Variants in RNF213 observed in about 807,000 individuals in gnomAD.
The protein encoded by RNF213 is E3 ubiquitin-protein ligase RNF213.
Under a neutral mutation model 514.4 loss-of-function variants are expected in RNF213, and 341 were observed. The ratio of observed to expected loss-of-function variants is 0.66; its 90% CI spans 0.61 to 0.73. The LOEUF (loss-of-function observed/expected upper bound fraction) is 0.73. Ranked by LOEUF, RNF213 falls within the 30% of genes least tolerant of loss-of-function variation. RNF213 has a pLI of 0.00. For missense variants in RNF213, 5,767 were observed against 6,615.6 expected (o/e 0.87, Z 4.45); for synonymous variants, 2,655 against 2,658.2 (o/e 1.00, Z 0.04).
At chr17:80,308,519 C>T (rs80188698) in intron 13 of RNF213, among the ~76,000 whole-genome samples, 2,477 of 151,674 alleles carry the variant, frequency 0.016, 73 homozygotes, top group African/African-American at 0.054. Context: ...AAGGCTCCTC[C>T]CGAGTCCCTA....
intron 3 of RNF213, among the ~76,000 whole-genome samples, chr17:80,274,819 T>G (rs1157691864): frequency 2.0e-3 from 13 of 6,370 alleles, no homozygotes; most frequent in African/African-American, 2.6e-3. Context: ...GTGAGGGGGG[T>G]GTCTGTGGGG....
intron 2 of RNF213, among the ~76,000 whole-genome samples, chr17:80,268,900 T>G (rs1235984860): frequency 2.0e-5 from 3 of 152,146 alleles, no homozygotes; most frequent in Admixed American, 6.5e-5. Context: ...AAGCCAGTAG[T>G]TGCTCAGTCT....
intron 3 of RNF213, chr17:80,278,818 T>C (rs1040487679): frequency 3.3e-6 from 5 of 1,537,064 alleles, no homozygotes; most frequent in East Asian, 4.9e-5. Context: ...ATCCGATGAA[T>C]GGGAAGCTGC....
chr17:80,370,018 G>A, intron 46 of RNF213, 151 bp downstream of exon 46: 1 of 705,092 alleles, frequency 1.4e-6, no homozygotes, highest in East Asian at 2.7e-5. Flanking sequence ...TACTTGTACT[G>A]GTTGTGTATT....
At position 80,389,823 on chromosome 17, in the gene RNF213, T is replaced by C. The variant is rs1423221925; in HGVS notation, c.15196-5T>C. The C allele has an allele frequency of 1.2e-6, 2 of 1,613,592 alleles. No individual in the cohort carries two copies. The highest frequency in any genetic ancestry group is 1.7e-6 in the Non-Finnish European group (2 of 1,179,814). The stretch of plus-strand genomic sequence containing the variant: ...CCCCACTCAGGAATTCTATTCCTTC[T>C]GCAGGCCTTAAACAGATGCCAGTTA... On this transcript the variant is annotated splice_polypyrimidine_tract_variant and splice_region_variant and intron_variant, in intron 65 of 67. Coordinates refer to ENST00000582970, the MANE Select transcript of RNF213 (RefSeq NM_001256071.3).
intron 36 of RNF213, 198 bp downstream of exon 36, chr17:80,354,774 C>T: frequency 1.6e-6 from 1 of 640,764 alleles, no homozygotes; most frequent in Non-Finnish European, 2.7e-6. Context: ...AGGTGCTGGA[C>T]TCTTCCTCTA....
intron 3 of RNF213, among the ~76,000 whole-genome samples, chr17:80,286,232 C>G (rs537869841): frequency 8.1e-6 from 1 of 123,664 alleles, no homozygotes; most frequent in South Asian, 2.7e-4. Flanking sequence ...GCAGGCCGAG[C>G]GGGAGGCTGG....
At position 80,354,046 on chromosome 17, in the gene RNF213, C is replaced by G; in HGVS notation, c.10606C>G (p.Leu3536Val). The G allele has an allele frequency of 6.2e-7, 1 of 1,613,944 alleles. No homozygotes were observed. The highest frequency in any genetic ancestry group is 8.5e-7 in the Non-Finnish European group (1 of 1,180,030). ...DVSILDTTRL[L>V]RSCVQSAVGM... is the part of the protein sequence containing the mutation. Reference sequence around the variant, plus strand: ...GTCGATCCTGGACACCACCAGGCTGCTGAGAAGCTGTGTGCAGAGCGCCGT... The same window carrying G: ...GTCGATCCTGGACACCACCAGGCTGGTGAGAAGCTGTGTGCAGAGCGCCGT... The change falls in exon 35 of 68, where the codon CTG becomes GTG. Residue 3536 changes from leucine to valine, a missense_variant. Transcript: ENST00000582970.
intron 6 of RNF213, 38 bp downstream of exon 6, chr17:80,289,875 C>A: frequency 6.4e-7 from 1 of 1,571,208 alleles, no homozygotes; most frequent in Non-Finnish European, 8.7e-7. Flanking sequence ...GGAGACCCTG[C>A]CTGAGAGCCC....
chr17:80,386,618 G>A, intron 62 of RNF213, 72 bp from the exon 63 acceptor site: 1 of 1,542,244 alleles, frequency 6.5e-7, no homozygotes, highest in Non-Finnish European at 9.0e-7. Flanking sequence ...ATGGGAGCCT[G>A]CTCCCTGCAA....
intron 55 of RNF213, chr17:80,379,935 C>T: frequency 1.7e-6 from 1 of 579,642 alleles, no homozygotes; most frequent in Admixed American, 2.5e-5. Flanking sequence ...AAGCAGGCTA[C>T]CCTTTAACAG....
chr17:80,367,868 T>A lies in RNF213; in HGVS notation c.11972+20T>A. 1 of 1,613,988 alleles carries A rather than the reference T, an allele frequency of 6.2e-7. No individual in the cohort carries two copies. Among genetic ancestry groups the A allele is most frequent in the South Asian group, 1.1e-5 (1 of 91,088 alleles). On this transcript the variant is annotated intron_variant, in intron 43 of 67. Coordinates refer to ENST00000582970, the MANE Select transcript of RNF213 (RefSeq NM_001256071.3). ...CAGCAGGTGAGACCTTAGGTTTGGA[T>A]CTGTGAAGGCGAGAATTCTGAACCT... is the stretch of plus-strand genomic sequence containing the variant.
In RNF213 at chr17:80,345,488, C is replaced by G. The variant is rs771584949; in HGVS notation, c.7153C>G (p.Gln2385Glu). 1 of 1,610,296 alleles carries G rather than the reference C, an allele frequency of 6.2e-7. No individual in the cohort carries two copies. ...ERLCLTLGIPQATDPDKTYEL... is the reference protein window; with the variant it reads ...ERLCLTLGIPEATDPDKTYEL... ...GCTCTGCCTGACCTTAGGGATCCCCCAGGCCACCGACCCCGACAAAACGTA... is the reference window on the plus strand; with the variant it reads ...GCTCTGCCTGACCTTAGGGATCCCCGAGGCCACCGACCCCGACAAAACGTA... Residue 2385 changes from glutamine (Q) to glutamate (E), a missense_variant, in exon 29 of 68, where the codon CAG becomes GAG. Coordinates refer to ENST00000582970, the MANE Select transcript of RNF213 (RefSeq NM_001256071.3). This position sits in a 1 kb window ranked among gnomAD's most constrained non-coding sequence, Gnocchi z 6.0.
chr17:80,291,000 A>C (rs1291888747), intron 7 of RNF213, among the ~76,000 whole-genome samples: 1 of 151,812 alleles, frequency 6.6e-6, no homozygotes, highest in Non-Finnish European at 1.5e-5. Context: ...GTAGAGACGG[A>C]GTTTCTACTA....
intron 7 of RNF213, among the ~76,000 whole-genome samples, chr17:80,291,218 T>A (rs1414039345): frequency 6.6e-6 from 1 of 152,118 alleles, no homozygotes; most frequent in Non-Finnish European, 1.5e-5. Flanking sequence ...TATTCCATCA[T>A]GGACCTTTTT....
rs1205055303 is a variant in RNF213 at position 80,336,397 on chromosome 17, C to G, written c.4527+19C>G. 1.3e-6 allele frequency: 2 copies of G among 1,534,722 alleles called. No individual in the cohort carries two copies. On this transcript the variant is annotated intron_variant, in intron 23 of 67. Transcript: ENST00000582970. ...GAAACTGGTGAGTCTTATTCTGTCT[C>G]TAATGCAGATTTTGTTGAATAGAGC...
intron 15 of RNF213, among the ~76,000 whole-genome samples, chr17:80,313,630 T>G: frequency 7.0e-6 from 1 of 143,366 alleles, no homozygotes; most frequent in Admixed American, 6.9e-5. Context: ...GTGGTGGAGG[T>G]GATGGTGGTG....
intron 36 of RNF213, among the ~76,000 whole-genome samples, chr17:80,356,802 A>G (rs2078843072): frequency 6.6e-6 from 1 of 152,206 alleles, no homozygotes; most frequent in African/African-American, 2.4e-5. Context: ...TTTTCCCAAT[A>G]GACATTTTAA....
In RNF213 at chr17:80,354,013, C is replaced by T. The variant is rs1490391364; in HGVS notation, c.10579-6C>T. ...AAACGGATGACCCAACCGTCTCCAC[C>T]AACAGGTGTCGATCCTGGACACCAC... On this transcript the variant is annotated splice_polypyrimidine_tract_variant and splice_region_variant and intron_variant, in intron 34 of 67. Coordinates refer to ENST00000582970, the MANE Select transcript of RNF213 (RefSeq NM_001256071.3). The T allele has an allele frequency of 2.5e-6, 4 of 1,613,590 alleles. No individual in the cohort carries two copies. In the African/African-American group the frequency reaches 4.0e-5, roughly 16 times the overall value.
Sources: gnomAD v4.1 joint callset for allele counts (sites outside exome capture counted in the v4.1 genomes callset) on GRCh38, gnomAD v4.1.1 for gene constraint, Gnocchi (gnomAD v3.1) non-coding constraint, MANE v1.5 for transcripts, NCBI Gene and HGNC (gene_info 2026-07-23, HGNC 2026-07-21) for gene names.